Variants in RBPJ observed in about 807,000 individuals in gnomAD.
RBPJ encodes the protein recombining binding protein suppressor of hairless.
In RBPJ, 9 loss-of-function variants were observed where a neutral mutation model predicts 67.8. That is an observed-to-expected ratio of 0.13 (90% CI 0.08 to 0.23). The LOEUF is 0.23. RBPJ is among the 10% of genes least tolerant of loss of function. RBPJ has a pLI of 1.00. For missense variants in RBPJ, 305 were observed against 595.6 expected (o/e 0.51, Z 5.08); for synonymous variants, 198 against 203.3 (o/e 0.97, Z 0.22).
chr4:26,225,846 AG>A (rs1279672768), intron 1 of RBPJ, among the ~76,000 whole-genome samples: 3 of 151,980 alleles, frequency 2.0e-5, no homozygotes, highest in Non-Finnish European at 4.4e-5. Flanking sequence ...GCTACTAAAT[AG>A]GGGGAAAAAA....
intron 1 of RBPJ, among the ~76,000 whole-genome samples, chr4:26,356,819 A>C (rs190083480): frequency 6.6e-5 from 10 of 152,362 alleles, no homozygotes; most frequent in Non-Finnish European, 7.3e-5. Flanking sequence ...CTTAGAAGTG[A>C]AATTGCTAGT....
At chr4:26,179,614 A>C (rs1716910836) in intron 1 of RBPJ, among the ~76,000 whole-genome samples, 3 of 152,162 alleles carry the variant, frequency 2.0e-5, no homozygotes, top group Non-Finnish European at 4.4e-5. Context: ...AACCACAATG[A>C]GTTACCGTCT....
intron 1 of RBPJ, among the ~76,000 whole-genome samples, chr4:26,243,197 A>C (rs1719708938): frequency 6.6e-6 from 1 of 152,170 alleles, no homozygotes; most frequent in Non-Finnish European, 1.5e-5. Context: ...ACTGCACTCC[A>C]GCCTGGGCAA....
At chr4:26,339,446 C>G (rs958107846) in intron 1 of RBPJ, among the ~76,000 whole-genome samples, 3 of 152,020 alleles carry the variant, frequency 2.0e-5, no homozygotes, top group African/African-American at 7.2e-5. Flanking sequence ...CTAGCCTGGC[C>G]GACATGGTGA....
chr4:26,215,050 AAG>A (rs1412914436), intron 1 of RBPJ, among the ~76,000 whole-genome samples: 1 of 95,144 alleles, frequency 1.1e-5, no homozygotes, highest in Non-Finnish European at 2.1e-5. Flanking sequence ...GGAGGGAGGG[AAG>A]AGAGAGAGAA....
chr4:26,277,545 A>C (rs539219006), intron 1 of RBPJ, among the ~76,000 whole-genome samples: 52 of 152,312 alleles, frequency 3.4e-4, no homozygotes, highest in African/African-American at 1.2e-3. Flanking sequence ...TTTTGTAGGG[A>C]AAGTGCCAAC....
In RBPJ at chr4:26,325,389, C is replaced by T. The variant is rs577213844; in HGVS notation, c.20+4341C>T. On this transcript the variant is annotated intron_variant, in intron 1 of 10. Transcript: ENST00000355476. Reference sequence around the variant, plus strand: ...TAATCTAAAAACCTTTCAATGGCTCCCCCTAGCAGCGTTCATTAAGAGAGG... The same window carrying T: ...TAATCTAAAAACCTTTCAATGGCTCTCCCTAGCAGCGTTCATTAAGAGAGG... Among the ~76,000 whole-genome samples, 3 of 152,248 alleles carry T rather than the reference C, an allele frequency of 2.0e-5. No individual in the cohort carries two copies. In the East Asian group the frequency reaches 5.8e-4, roughly 29 times the overall value.
intron 1 of RBPJ, among the ~76,000 whole-genome samples, chr4:26,180,762 A>G (rs1716956447): frequency 6.6e-6 from 1 of 152,202 alleles, no homozygotes; most frequent in Admixed American, 6.5e-5. Context: ...AAAATATAGT[A>G]TGCCCTACCC....
intron 1 of RBPJ, among the ~76,000 whole-genome samples, chr4:26,268,795 C>T (rs1320784272): frequency 3.3e-5 from 5 of 152,042 alleles, no homozygotes; most frequent in Non-Finnish European, 7.4e-5. Context: ...ATATTCATCC[C>T]CCAAGTCCAC....
At chr4:26,320,724 C>A, upstream of RBPJ, 1 of 1,548,066 alleles carries the variant, frequency 6.5e-7, no homozygotes, top group Non-Finnish European at 8.7e-7. Context: ...CCTCAAAGCG[C>A]GTCCTAAAAC....
chr4:26,243,623 ATATTCATCC>A lies in RBPJ; in HGVS notation c.-167+80010_-167+80018del, dbSNP rs1302921131. 3.3e-5 allele frequency among the ~76,000 whole-genome samples: 5 copies of A among 152,364 alleles called. 1 individual carries two copies. The highest frequency in any genetic ancestry group is 6.8e-3 in the Middle Eastern group (2 of 294). On this transcript the variant is annotated intron_variant, in intron 1 of 4. Coordinates refer to the RBPJ transcript ENST00000512351. ...TGCTATAAAATCATGCATGGGTAAA[ATATTCATCC>A]AAAGTGCAAGGTGGGCTAATAATTT...
At chr4:26,404,426 AC>A (rs1733180147) in intron 2 of RBPJ, among the ~76,000 whole-genome samples, 1 of 152,192 alleles carries the variant, frequency 6.6e-6, no homozygotes, top group Non-Finnish European at 1.5e-5. Context: ...AATAGCATAA[AC>A]TTTTATACTT....
the RBPJ span, among the ~76,000 whole-genome samples, chr4:26,146,148 T>G: frequency 7.2e-5 from 11 of 152,338 alleles, no homozygotes; most frequent in African/African-American, 2.4e-4. Flanking sequence ...GGTTTTACCA[T>G]GTTGCCCAGG....
intron 1 of RBPJ, chr4:26,384,732 T>A (rs1730638286): frequency 6.6e-6 from 1 of 152,000 alleles, no homozygotes; most frequent in Admixed American, 6.5e-5. Context: ...AATTACTAGC[T>A]ATTATTGAGT....
Position 26,430,453 on chromosome 4 carries a change from T to G in RBPJ, c.1079T>G (p.Leu360Arg). 6.2e-7 allele frequency: 1 copy of G among 1,611,934 alleles called. No individual in the cohort carries two copies. Among genetic ancestry groups the G allele is most frequent in the Non-Finnish European group, 8.5e-7 (1 of 1,179,440 alleles). Residue 360 changes from leucine to arginine, a missense_variant, in exon 10 of 11, where the codon CTT (leucine) becomes CGT (arginine). Physicochemically the swap from Leu to Arg is moderately radical, Grantham distance 102 (BLOSUM62 -2). Around this residue, in one of 7 missense-constraint regions of RBPJ, gnomAD observed 47 missense variants for 128.2 expected, o/e 0.37. Coordinates refer to ENST00000355476, the MANE Select transcript of RBPJ (RefSeq NM_015874.6). This position sits in a 1 kb window ranked among gnomAD's most constrained non-coding sequence, Gnocchi z 4.1. ...GGTGGGGACGTAGCAATGCTTGAAC[T>G]TACAGGACAGAATTTCACTCCAAAT... Reference protein sequence around the residue: ...NGGGDVAMLELTGQNFTPNLR... With the variant: ...NGGGDVAMLERTGQNFTPNLR...
upstream of RBPJ, among the ~76,000 whole-genome samples, chr4:26,315,899 A>G (rs1367248034): frequency 1.3e-5 from 2 of 152,160 alleles, no homozygotes; most frequent in Non-Finnish European, 1.5e-5. Flanking sequence ...GCTCTCTGCA[A>G]GAAGAAAAAT....
chr4:26,111,602 C>T, the RBPJ span, among the ~76,000 whole-genome samples: 133 of 152,338 alleles, frequency 8.7e-4, no homozygotes, highest in Non-Finnish European at 1.4e-3. Flanking sequence ...CTTCCTGGCT[C>T]ATCCTTCCCC....
chr4:26,427,676 G>A (rs1214262600), intron 7 of RBPJ, among the ~76,000 whole-genome samples: 1 of 152,170 alleles, frequency 6.6e-6, no homozygotes, highest in African/African-American at 2.4e-5. Context: ...AGTTGTAGTG[G>A]CGTCTTTGAG....
chr4:26,379,129 G>T (rs568730669), intron 1 of RBPJ, among the ~76,000 whole-genome samples: 1 of 152,234 alleles, frequency 6.6e-6, no homozygotes, highest in African/African-American at 2.4e-5. Context: ...ACCTGTAGTG[G>T]CCAGTTGCAT....
Sources: gnomAD v4.1 joint callset for allele counts (sites outside exome capture counted in the v4.1 genomes callset) on GRCh38, gnomAD v4.1.1 for gene constraint, gnomAD v4.1.1 regional missense constraint, Gnocchi (gnomAD v3.1) non-coding constraint, MANE v1.5 for transcripts, NCBI Gene and HGNC (gene_info 2026-07-23, HGNC 2026-07-21) for gene names.